CTIF: variants seen among roughly 807,000 people sequenced by gnomAD.
CTIF encodes CBP80/20-dependent translation initiation factor.
A neutral mutation model predicts 66.0 loss-of-function variants in CTIF; 21 were observed. That is an observed-to-expected ratio of 0.32 (90% CI 0.23 to 0.46). The LOEUF (loss-of-function observed/expected upper bound fraction) is 0.46, where lower values mean the gene tolerates loss of function less well. CTIF is among the 20% of genes least tolerant of loss of function. The pLI, the probability that CTIF is intolerant of heterozygous loss-of-function variation, is 1.00. For missense variants in CTIF, 739 were observed against 812.7 expected (o/e 0.91, Z 1.10); for synonymous variants, 345 against 326.4 (o/e 1.06, Z -0.62).
intron 9 of CTIF, among the ~76,000 whole-genome samples, chr18:48,798,377 C>T (rs975374478): frequency 6.6e-6 from 1 of 152,176 alleles, no homozygotes; most frequent in Non-Finnish European, 1.5e-5. Context: ...TAACCCTCTT[C>T]GGTTTGGGGT....
At chr18:48,782,850 C>T (rs760888556) in intron 9 of CTIF, among the ~76,000 whole-genome samples, 8 of 152,114 alleles carry the variant, frequency 5.3e-5, no homozygotes, top group African/African-American at 7.2e-5. Context: ...GGAATGCCCA[C>T]GCCTGTGGCC....
chr18:48,742,724 A>C (rs6507865), intron 7 of CTIF, among the ~76,000 whole-genome samples: 2 of 152,150 alleles, frequency 1.3e-5, no homozygotes, highest in Admixed American at 1.3e-4. Flanking sequence ...GACAGTAAGC[A>C]CCTTGCCCAG....
chr18:48,647,815 C>G (rs117748022), intron 3 of CTIF, among the ~76,000 whole-genome samples: 5 of 152,160 alleles, frequency 3.3e-5, no homozygotes, highest in Admixed American at 6.5e-5. Context: ...GGTCACCCCC[C>G]AGACCAGATG....
chr18:48,544,616 G>C (rs1306980926), intron 1 of CTIF, among the ~76,000 whole-genome samples: 2 of 152,378 alleles, frequency 1.3e-5, no homozygotes, highest in East Asian at 3.9e-4. Context: ...ACGATCTGTA[G>C]AGTGGAGCCA....
At chr18:48,790,756 C>T (rs1224116587) in intron 9 of CTIF, among the ~76,000 whole-genome samples, 7 of 152,200 alleles carry the variant, frequency 4.6e-5, no homozygotes, top group African/African-American at 7.2e-5. Context: ...CTTCAGACCC[C>T]GCCCGGCTGG....
chr18:48,845,259 C>T (rs967377773), intron 10 of CTIF, among the ~76,000 whole-genome samples: 1 of 152,200 alleles, frequency 6.6e-6, no homozygotes, highest in African/African-American at 2.4e-5. Context: ...ACCTCCTTCA[C>T]ACTCTCCAAC....
chr18:48,663,298 G>T (rs897002108), intron 3 of CTIF, among the ~76,000 whole-genome samples: 10 of 152,202 alleles, frequency 6.6e-5, no homozygotes, highest in Admixed American at 2.0e-4. Context: ...GAGAAATCCA[G>T]TTGCTGGTGT....
intron 7 of CTIF, among the ~76,000 whole-genome samples, chr18:48,730,673 T>C (rs1244509213): frequency 0.054 from 6,066 of 111,708 alleles, 1,426 homozygotes; most frequent in East Asian, 0.25. Flanking sequence ...TGTGAGGGGC[T>C]TCTGCGGTGT....
chr18:48,592,738 A>G (rs1467228970), intron 1 of CTIF, among the ~76,000 whole-genome samples: 1 of 152,238 alleles, frequency 6.6e-6, no homozygotes, highest in Non-Finnish European at 1.5e-5. Context: ...TCTGCCTGGC[A>G]GTGCTGAGGA....
chr18:48,762,355 G>T (rs1231154364), intron 9 of CTIF, among the ~76,000 whole-genome samples: 1 of 152,196 alleles, frequency 6.6e-6, no homozygotes, highest in East Asian at 1.9e-4. Flanking sequence ...CGTGGGAGTA[G>T]GCGCGTGCAC....
chr18:48,857,300 G>A (rs980845098), intron 10 of CTIF, among the ~76,000 whole-genome samples: 4 of 152,180 alleles, frequency 2.6e-5, no homozygotes, highest in African/African-American at 9.7e-5. Flanking sequence ...TTTCTCTTCA[G>A]TGGCCTCTTG....
At chr18:48,855,021 T>C (rs1012092005) in intron 10 of CTIF, among the ~76,000 whole-genome samples, 27 of 152,220 alleles carry the variant, frequency 1.8e-4, no homozygotes, top group African/African-American at 6.3e-4. Context: ...GCCCCGGAGC[T>C]GCATTTCCAC....
intron 6 of CTIF, among the ~76,000 whole-genome samples, chr18:48,705,295 A>C (rs1042655834): frequency 9.9e-5 from 15 of 151,632 alleles, no homozygotes; most frequent in Admixed American, 2.0e-4. Flanking sequence ...AATCCTTGGC[A>C]CTCCTGGGCT....
intron 9 of CTIF, among the ~76,000 whole-genome samples, chr18:48,792,837 T>A (rs998294208): frequency 5.9e-5 from 9 of 152,132 alleles, no homozygotes; most frequent in African/African-American, 2.2e-4. Flanking sequence ...ACATGTCATG[T>A]TGGAATTGTG....
chr18:48,859,166 A>T (rs1000182896), intron 11 of CTIF, among the ~76,000 whole-genome samples, 178 bp from the exon 12 acceptor site: 1 of 151,900 alleles, frequency 6.6e-6, no homozygotes, highest in Admixed American at 6.5e-5. Flanking sequence ...GTGAGCTCTC[A>T]CTCTTGGCTA....
intron 2 of CTIF, chr18:48,621,689 A>G (rs2090496369): frequency 7.1e-6 from 2 of 282,414 alleles, no homozygotes; most frequent in African/African-American, 2.4e-5. Flanking sequence ...CGTGACGGGG[A>G]AGTTTCCACT....
chr18:48,736,649 C>G (rs1460011034), intron 7 of CTIF, among the ~76,000 whole-genome samples: 2 of 152,228 alleles, frequency 1.3e-5, no homozygotes, highest in African/African-American at 4.8e-5. Flanking sequence ...TGGCTCCAGA[C>G]TTGAAATTTT....
intron 6 of CTIF, among the ~76,000 whole-genome samples, chr18:48,704,796 A>G (rs546082701): frequency 1.3e-5 from 2 of 152,348 alleles, no homozygotes; most frequent in African/African-American, 4.8e-5. Context: ...GGCCATTCAG[A>G]GGAACCAGGG....
At chr18:48,717,867 C>T (rs1205261114) in intron 7 of CTIF, among the ~76,000 whole-genome samples, 1 of 151,940 alleles carries the variant, frequency 6.6e-6, no homozygotes, top group East Asian at 1.9e-4. Flanking sequence ...GTTCTAGGGA[C>T]TATAGGCACC....
Sources: allele counts gnomAD v4.1 joint callset (sites outside exome capture counted in the v4.1 genomes callset), GRCh38; gene constraint gnomAD v4.1.1; transcripts MANE v1.5; gene names NCBI Gene and HGNC (gene_info 2026-07-23, HGNC 2026-07-21).